The following HIBADH variants were observed in gnomAD, a reference collection of about 807,000 sequenced individuals.
HIBADH encodes 3-hydroxyisobutyrate dehydrogenase.
Under a neutral mutation model 36.1 loss-of-function variants are expected in HIBADH, and 25 were observed. That is an observed-to-expected ratio of 0.69 (90% CI 0.50 to 0.97). The LOEUF (loss-of-function observed/expected upper bound fraction) is 0.97, where lower values mean the gene tolerates loss of function less well. Ranked by LOEUF, HIBADH falls within the 50% of genes least tolerant of loss-of-function variation. The pLI, the probability that HIBADH is intolerant of heterozygous loss-of-function variation, is 0.00. For synonymous variants in HIBADH, 160 were observed against 149.5 expected, an observed-to-expected ratio of 1.07 and a Z score of -0.51; for missense variants, 421 against 418.0, an observed-to-expected ratio of 1.01 and a Z score of -0.06.
chr7:27,594,160 T>C (rs1247891270), intron 4 of HIBADH, among the ~76,000 whole-genome samples: 3 of 150,750 alleles, frequency 2.0e-5, no homozygotes, highest in African/African-American at 7.3e-5. Flanking sequence ...TTGTTTTTTT[T>C]CTGAAACAGA....
At position 27,645,382 on chromosome 7, in the gene HIBADH, T is replaced by TTTGTTTGTTTTGTTTTTG. The variant is rs796789637; in HGVS notation, c.252+4090_252+4091insCAAAAACAAAACAAACAA. On this transcript the variant is annotated intron_variant, in intron 2 of 7. Transcript: ENST00000265395. The stretch of plus-strand genomic sequence containing the variant: ...TCATGGTTTTGATTTTTTTTTTTTT[T>TTTGTTTGTTTTGTTTTTG]TTTTTTTTTTTTTGAGACAGAGTCT... Among the ~76,000 whole-genome samples, 409 of 129,100 alleles carry TTTGTTTGTTTTGTTTTTG rather than the reference T, an allele frequency of 3.2e-3. 9 individuals carry two copies. The highest frequency in any genetic ancestry group is 0.012 in the African/African-American group (394 of 31,828). 84.7% of individuals were successfully genotyped at this position (129,100 alleles called of 152,430 possible). A position where few individuals can be genotyped will look rare whatever the true frequency, so the allele number is the denominator to read the frequency against.
At chr7:27,647,705 T>A in intron 2 of HIBADH, 1 of 417,660 alleles carries the variant, frequency 2.4e-6, no homozygotes, top group South Asian at 1.8e-5. Context: ...AATAAGAAAC[T>A]TGTTGGGAAA....
rs148777572 is a variant in HIBADH, at chr7:27,576,789, C to T, written c.485-33689G>A. On this transcript the variant is annotated intron_variant, in intron 4 of 7. Coordinates refer to ENST00000265395, the MANE Select transcript of HIBADH (RefSeq NM_152740.4). ...TTCATTAACAAATTATGATCGAGCA[C>T]CTATTTGTGAAACCGTGGGGCTGGG... is the stretch of plus-strand genomic sequence containing the variant. Among the ~76,000 whole-genome samples the T allele has an allele frequency of 9.6e-4, 146 of 152,178 alleles. 1 individual carries two copies. The East Asian group carries it at 0.027, about 28-fold the overall frequency.
chr7:27,642,965 T>C (rs1187416868), intron 2 of HIBADH, among the ~76,000 whole-genome samples: 1 of 152,178 alleles, frequency 6.6e-6, no homozygotes, highest in East Asian at 1.9e-4. Context: ...GTCTAGTCTT[T>C]AGAGAGAATT....
At chr7:27,539,953 T>A (rs1330868099) in intron 5 of HIBADH, among the ~76,000 whole-genome samples, 1 of 151,944 alleles carries the variant, frequency 6.6e-6, no homozygotes, top group Admixed American at 6.6e-5. Context: ...AATCCCATCA[T>A]CTTAATAATG....
At chr7:27,645,230 A>T (rs1786040955) in intron 2 of HIBADH, among the ~76,000 whole-genome samples, 1 of 151,998 alleles carries the variant, frequency 6.6e-6, no homozygotes, top group African/African-American at 2.4e-5. Context: ...GGAACTCCCA[A>T]ACTCTTTCCC....
intron 2 of HIBADH, among the ~76,000 whole-genome samples, chr7:27,645,129 G>A (rs901504891): frequency 6.6e-6 from 1 of 151,922 alleles, no homozygotes; most frequent in East Asian, 1.9e-4. Flanking sequence ...ACATGTTTCC[G>A]TGTGGATACA....
At chr7:27,624,776 T>A (rs1356967635) in intron 4 of HIBADH, among the ~76,000 whole-genome samples, 2 of 152,234 alleles carry the variant, frequency 1.3e-5, no homozygotes, top group African/African-American at 4.8e-5. Flanking sequence ...TTATCTAATA[T>A]CTCTTGGTGT....
intron 4 of HIBADH, among the ~76,000 whole-genome samples, chr7:27,579,966 T>C (rs1447635854): frequency 6.6e-6 from 1 of 151,942 alleles, no homozygotes; most frequent in Non-Finnish European, 1.5e-5. Context: ...CTTGCTCCCA[T>C]ACAAAAACCG....
chr7:27,612,999 G>T (rs1478939094), intron 4 of HIBADH, among the ~76,000 whole-genome samples: 3 of 127,078 alleles, frequency 2.4e-5, no homozygotes. Context: ...ATATATATAG[G>T]ATATATATAT....
At chr7:27,658,919 TAATA>T (rs946713825) in intron 1 of HIBADH, among the ~76,000 whole-genome samples, 1 of 152,204 alleles carries the variant, frequency 6.6e-6, no homozygotes, top group Admixed American at 6.5e-5. Flanking sequence ...CTTATTTTAG[TAATA>T]AATACGCTCC....
chr7:27,538,315 G>C, intron 6 of HIBADH, 26 bp downstream of exon 6: 2 of 1,538,794 alleles, frequency 1.3e-6, no homozygotes, highest in African/African-American at 1.4e-5. Context: ...AAAAATGTTA[G>C]TATAAAAACG....
At chr7:27,581,955 A>G (rs1024420218) in intron 4 of HIBADH, among the ~76,000 whole-genome samples, 1 of 152,106 alleles carries the variant, frequency 6.6e-6, no homozygotes, top group African/African-American at 2.4e-5. Context: ...ACTTCATTTA[A>G]AGTGACGCAT....
At chr7:27,632,197 C>A in intron 3 of HIBADH, 139 bp downstream of exon 3, 1 of 586,926 alleles carries the variant, frequency 1.7e-6, no homozygotes. Context: ...AATGAGAAAA[C>A]CACCACACTA....
intron 4 of HIBADH, among the ~76,000 whole-genome samples, chr7:27,579,127 C>T (rs1784755480): frequency 6.6e-6 from 1 of 152,052 alleles, no homozygotes; most frequent in African/African-American, 2.4e-5. Context: ...ATTAGAAAAT[C>T]CAGTTATTTG....
chr7:27,633,208 T>C (rs1785779095), intron 2 of HIBADH, among the ~76,000 whole-genome samples: 1 of 152,166 alleles, frequency 6.6e-6, no homozygotes, highest in Non-Finnish European at 1.5e-5. Context: ...TTTGCTTAGG[T>C]GCATGCATGA....
intron 4 of HIBADH, among the ~76,000 whole-genome samples, chr7:27,578,731 G>C (rs1452966012): frequency 2.0e-5 from 3 of 152,060 alleles, no homozygotes; most frequent in African/African-American, 7.2e-5. Flanking sequence ...GTTACAATAA[G>C]CTAGGTCTTC....
At chr7:27,622,536 G>A (rs1785564707) in intron 4 of HIBADH, among the ~76,000 whole-genome samples, 1 of 151,994 alleles carries the variant, frequency 6.6e-6, no homozygotes, top group Non-Finnish European at 1.5e-5. Context: ...TAAACCATTG[G>A]CTAGTTTAAC....
intron 1 of HIBADH, among the ~76,000 whole-genome samples, chr7:27,660,522 G>A (rs1157010511): frequency 2.6e-5 from 4 of 152,098 alleles, no homozygotes; most frequent in Admixed American, 2.6e-4. Flanking sequence ...AAAACTAGCC[G>A]GGCGTGGTGG....
Sources: gnomAD v4.1 joint callset for allele counts (sites outside exome capture counted in the v4.1 genomes callset) on GRCh38, gnomAD v4.1.1 for gene constraint, MANE v1.5 for transcripts, NCBI Gene and HGNC (gene_info 2026-07-23, HGNC 2026-07-21) for gene names.